The following RNF150 variants were observed in gnomAD, a reference collection of about 807,000 sequenced individuals.
RNF150 encodes ring finger protein 150.
A neutral mutation model predicts 39.3 loss-of-function variants in RNF150; 24 were observed. That is an observed-to-expected ratio of 0.61 (90% CI 0.44 to 0.86). RNF150 has a LOEUF of 0.86. Among genes scored for constraint, RNF150 ranks in the 40% least tolerant of loss-of-function variants. The probability of loss-of-function intolerance (pLI) is 0.00; values close to 1 mark genes in which losing one functional copy is unlikely to be tolerated. For synonymous variants in RNF150, 255 were observed against 227.3 expected (o/e 1.12, Z -1.10); for missense variants, 502 against 587.8 (o/e 0.85, Z 1.51).
intron 4 of RNF150, among the ~76,000 whole-genome samples, chr4:140,946,734 G>A (rs1346566992): frequency 6.6e-6 from 1 of 151,950 alleles, no homozygotes; most frequent in African/African-American, 2.4e-5. Context: ...TTGAAATGTT[G>A]GTCTCAAGCG....
At chr4:141,054,376 T>G (rs1469752669) in intron 1 of RNF150, among the ~76,000 whole-genome samples, 1 of 152,178 alleles carries the variant, frequency 6.6e-6, no homozygotes, top group Non-Finnish European at 1.5e-5. Flanking sequence ...TCCTGTAGAT[T>G]AATTCAAGAG....
chr4:140,967,907 G>T (rs772444617), intron 1 of RNF150, 34 bp from the exon 2 acceptor site: 2 of 1,602,530 alleles, frequency 1.2e-6, no homozygotes, highest in African/African-American at 1.3e-5. Context: ...GGCAATAAAG[G>T]TTAGGGGATA....
At chr4:141,014,125 A>C (rs1735175058) in intron 1 of RNF150, among the ~76,000 whole-genome samples, 1 of 152,150 alleles carries the variant, frequency 6.6e-6, no homozygotes, top group Non-Finnish European at 1.5e-5. Flanking sequence ...ACTTAGCATC[A>C]CGTTCTCTGG....
At chr4:141,144,089 C>T (rs893833440) in intron 1 of RNF150, among the ~76,000 whole-genome samples, 1 of 151,512 alleles carries the variant, frequency 6.6e-6, no homozygotes, top group Non-Finnish European at 1.5e-5. Context: ...TGGTCTGGCT[C>T]ATAATAAACC....
chr4:141,155,560 G>T (rs559226509), intron 1 of RNF150, among the ~76,000 whole-genome samples: 2 of 152,248 alleles, frequency 1.3e-5, no homozygotes, highest in Admixed American at 1.3e-4. Flanking sequence ...ATTAAACAGG[G>T]TATAGCAGGA....
At chr4:140,906,176 A>G (rs149790667) in intron 6 of RNF150, among the ~76,000 whole-genome samples, 299 of 152,264 alleles carry the variant, frequency 2.0e-3, no homozygotes, top group African/African-American at 7.1e-3. Context: ...ATTTTCATTC[A>G]GGGGCAAGGA....
At chr4:141,073,946 G>A (rs115712271) in intron 1 of RNF150, among the ~76,000 whole-genome samples, 1,953 of 152,098 alleles carry the variant, frequency 0.013, 55 homozygotes, top group African/African-American at 0.045. Flanking sequence ...CATGAGGTGG[G>A]GAAGCCAAGC....
At chr4:141,011,590 C>A (rs972481259) in intron 1 of RNF150, among the ~76,000 whole-genome samples, 5 of 152,164 alleles carry the variant, frequency 3.3e-5, no homozygotes, top group African/African-American at 1.2e-4. Flanking sequence ...GTTTAGGTGT[C>A]ATTTTATCAT....
chr4:141,114,360 G>A (rs977879672), intron 1 of RNF150, among the ~76,000 whole-genome samples: 67 of 152,232 alleles, frequency 4.4e-4, no homozygotes, highest in African/African-American at 1.6e-3. Context: ...TATCATCAGA[G>A]AATACTATAA....
chr4:140,949,288 A>G lies in RNF150; in HGVS notation c.807+13T>C. 7 of 1,599,194 alleles carry G rather than the reference A, an allele frequency of 4.4e-6. No homozygotes were observed. The highest frequency in any genetic ancestry group is 6.0e-6 in the Non-Finnish European group (7 of 1,171,474). ...AATAGCTCCTCACCAAAAAGAAAAG[A>G]GGCTGCTATTACCTTGTCACCCTTC... On this transcript the variant is annotated intron_variant, in intron 3 of 6. Coordinates refer to ENST00000515673, the MANE Select transcript of RNF150 (RefSeq NM_020724.2).
At chr4:141,206,625 C>T (rs961432477) in intron 1 of RNF150, among the ~76,000 whole-genome samples, 2 of 151,858 alleles carry the variant, frequency 1.3e-5, no homozygotes, top group Non-Finnish European at 2.9e-5. Flanking sequence ...TTGCCCTAAT[C>T]CTGGAAACCT....
intron 1 of RNF150, among the ~76,000 whole-genome samples, chr4:141,155,613 A>G (rs1422860050): frequency 6.6e-6 from 1 of 152,188 alleles, no homozygotes; most frequent in Non-Finnish European, 1.5e-5. Context: ...ATGAGTAGTA[A>G]GCAAACATGA....
At chr4:141,142,874 C>CTA (rs1727143881) in intron 1 of RNF150, among the ~76,000 whole-genome samples, 1 of 142,376 alleles carries the variant, frequency 7.0e-6, no homozygotes, top group Non-Finnish European at 1.5e-5. Flanking sequence ...TCTTTTTTCT[C>CTA]TTTTTTTTTT....
intron 5 of RNF150, among the ~76,000 whole-genome samples, chr4:140,913,273 A>G (rs1453634980): frequency 6.6e-6 from 1 of 152,150 alleles, no homozygotes; most frequent in East Asian, 1.9e-4. Flanking sequence ...AAAACAAAAC[A>G]AAACAAAACA....
intron 1 of RNF150, among the ~76,000 whole-genome samples, chr4:140,982,703 A>T (rs1401892623): frequency 6.6e-6 from 1 of 152,126 alleles, no homozygotes; most frequent in East Asian, 1.9e-4. Context: ...TATTAAAATA[A>T]CAATGAACTG....
intron 4 of RNF150, among the ~76,000 whole-genome samples, chr4:140,936,556 A>G (rs1731870344): frequency 6.6e-6 from 1 of 152,146 alleles, no homozygotes; most frequent in South Asian, 2.1e-4. Context: ...CAGTTATCTT[A>G]TTTCTTGATA....
chr4:141,132,221 C>T lies in RNF150; in HGVS notation c.484+104G>A, dbSNP rs1038386871. 5 of 1,234,076 alleles carry T rather than the reference C, an allele frequency of 4.1e-6. No individual in the cohort carries two copies. The African/African-American group carries it at 7.6e-5, about 19-fold the overall frequency. The allele number at this position is 1,234,076 out of a possible 1,614,324, so 76.4% of individuals were successfully genotyped here. A position where few individuals can be genotyped will look rare whatever the true frequency, so the allele number is the denominator to read the frequency against. On this transcript the variant is annotated intron_variant, in intron 1 of 6. Coordinates refer to ENST00000515673, the MANE Select transcript of RNF150 (RefSeq NM_020724.2). This position sits in a 1 kb window ranked among gnomAD's most constrained non-coding sequence, Gnocchi z 4.9. Reference sequence around the variant, plus strand: ...CCAGGGAACCCAGACACGTCTTCCGCGCCGCACGGACTTCCCAGAAGGAGC... The same window carrying T: ...CCAGGGAACCCAGACACGTCTTCCGTGCCGCACGGACTTCCCAGAAGGAGC...
intron 1 of RNF150, among the ~76,000 whole-genome samples, chr4:141,124,938 C>T (rs1726711078): frequency 6.6e-6 from 1 of 152,164 alleles, no homozygotes; most frequent in Non-Finnish European, 1.5e-5. Context: ...AAATGCCTAA[C>T]ATGCCAATGC....
At chr4:140,904,993 G>T (rs1489849377) in intron 6 of RNF150, among the ~76,000 whole-genome samples, 1 of 152,154 alleles carries the variant, frequency 6.6e-6, no homozygotes. Flanking sequence ...ATTAGAGAAA[G>T]CAAATCCTTG....
Sources: gnomAD v4.1 joint callset for allele counts (sites outside exome capture counted in the v4.1 genomes callset) on GRCh38, gnomAD v4.1.1 for gene constraint, Gnocchi (gnomAD v3.1) non-coding constraint, MANE v1.5 for transcripts, NCBI Gene and HGNC (gene_info 2026-07-23, HGNC 2026-07-21) for gene names.